The following ADGRV1 variants were observed in gnomAD, a reference collection of about 807,000 sequenced individuals.
ADGRV1 encodes the protein G-protein coupled receptor 98.
Under a neutral mutation model 596.2 loss-of-function variants are expected in ADGRV1, and 359 were observed. The observed-to-expected ratio is 0.60, with a 90% CI of 0.55 to 0.66. ADGRV1 has a LOEUF of 0.66. ADGRV1 is among the 30% of genes least tolerant of loss of function. ADGRV1 has a pLI of 0.00. For synonymous variants in ADGRV1, 2,681 were observed against 2,679.2 expected (o/e 1.00, Z -0.02); for missense variants, 7,274 against 7,575.6 (o/e 0.96, Z 1.48).
At chr5:90,851,102 G>GGGGTGTGTGTGTGTGT (rs1554136388) in intron 79 of ADGRV1, among the ~76,000 whole-genome samples, 4 of 50,566 alleles carry the variant, frequency 7.9e-5, no homozygotes, top group African/African-American at 1.7e-4. Flanking sequence ...AGCTAGGTAG[G>GGGGTGTGTGTGTGTGT]GTGTGTGTGT....
At chr5:90,848,905 T>A in intron 79 of ADGRV1, 84 bp downstream of exon 79, 1 of 938,074 alleles carries the variant, frequency 1.1e-6, no homozygotes, top group Non-Finnish European at 1.6e-6. Flanking sequence ...AAAATGACAT[T>A]TAGATGATGT....
chr5:90,700,573 TTCTC>T (rs1195435006), intron 34 of ADGRV1, among the ~76,000 whole-genome samples: 3 of 152,186 alleles, frequency 2.0e-5, no homozygotes, highest in African/African-American at 7.2e-5. Context: ...TGCTAGGTGT[TTCTC>T]TCAGTCACCC....
chr5:91,054,102 T>A (rs4990550), intron 85 of ADGRV1, among the ~76,000 whole-genome samples: 14,309 of 126,342 alleles, frequency 0.11, 1,022 homozygotes, highest in Admixed American at 0.22. Context: ...TGTGTGTGTG[T>A]GAGAGAGAGA....
intron 85 of ADGRV1, among the ~76,000 whole-genome samples, chr5:90,986,586 C>T (rs1234121499): frequency 6.6e-6 from 1 of 152,100 alleles, no homozygotes; most frequent in Non-Finnish European, 1.5e-5. Flanking sequence ...CATGCAAACA[C>T]AATACACACA....
At chr5:91,070,626 A>T (rs964844329) in intron 85 of ADGRV1, among the ~76,000 whole-genome samples, 4 of 152,220 alleles carry the variant, frequency 2.6e-5, no homozygotes, top group African/African-American at 9.6e-5. Context: ...GCAAGATTTT[A>T]TGTAAAGCGC....
chr5:91,149,965 C>A, intron 87 of ADGRV1, 65 bp from the exon 88 acceptor site: 1 of 1,365,934 alleles, frequency 7.3e-7, no homozygotes. Context: ...GGTAGCAGGA[C>A]TGACTTTGAC....
chr5:90,967,328 G>C (rs915658123), intron 84 of ADGRV1, among the ~76,000 whole-genome samples: 1 of 152,072 alleles, frequency 6.6e-6, no homozygotes, highest in Non-Finnish European at 1.5e-5. Context: ...ATAGCTCTTT[G>C]AGCAGTTTTA....
chr5:90,607,390 C>G (rs1762233540), intron 1 of ADGRV1, among the ~76,000 whole-genome samples: 2 of 152,070 alleles, frequency 1.3e-5, no homozygotes, highest in South Asian at 4.2e-4. Flanking sequence ...CTGCTGACCC[C>G]CTGCTTACCC....
rs1288492396 is a variant in ADGRV1, at chr5:90,558,812, C to T, written c.-84C>T. ...ATCCTGTAGTGGTAGTAAGAATCAG[C>T]AGCGCGGGCAAGGAGTACGGACGGG... On this transcript the variant is annotated 5_prime_UTR_variant, in exon 1 of 90. Transcript: ENST00000405460. 3 of 1,354,094 alleles carry T rather than the reference C, an allele frequency of 2.2e-6. No individual in the cohort carries two copies. Among genetic ancestry groups the T allele is most frequent in the Non-Finnish European group, 3.1e-6 (3 of 966,886 alleles). 83.9% of individuals were successfully genotyped at this position (1,354,094 alleles called of 1,614,324 possible).
intron 9 of ADGRV1, among the ~76,000 whole-genome samples, chr5:90,632,388 T>C (rs1263861573): frequency 6.6e-6 from 1 of 152,190 alleles, no homozygotes; most frequent in Admixed American, 6.5e-5. Flanking sequence ...GTTTTTGTTA[T>C]CATTTGAGCT....
At chr5:90,900,738 A>G (rs1022251628) in intron 83 of ADGRV1, among the ~76,000 whole-genome samples, 1 of 152,112 alleles carries the variant, frequency 6.6e-6, no homozygotes, top group East Asian at 1.9e-4. Context: ...GGCTTTATAG[A>G]CATATGAGTT....
intron 83 of ADGRV1, among the ~76,000 whole-genome samples, chr5:90,922,177 A>G (rs191937247): frequency 2.0e-5 from 3 of 152,294 alleles, no homozygotes; most frequent in East Asian, 3.9e-4. Flanking sequence ...GCCACACTGT[A>G]TGGTGTCAAC....
At position 90,985,377 on chromosome 5, in the gene ADGRV1, G is replaced by T; in HGVS notation, c.18007G>T (p.Asp6003Tyr). Reference protein sequence around the residue: ...VNFWYVLVMNDEHTERRYLLF... With the variant: ...VNFWYVLVMNYEHTERRYLLF... ...TTTCTGGTACGTGCTGGTGATGAAT[G>T]ATGAGCACACAGAGAGGCGATATCT... Residue 6003 changes from aspartate to tyrosine, a missense_variant, in exon 85 of 90, where the codon GAT (aspartate) becomes TAT (tyrosine). By Grantham distance (160) the Asp-to-Tyr change is radical (BLOSUM62 -3). Coordinates refer to ENST00000405460, the MANE Select transcript of ADGRV1 (RefSeq NM_032119.4). 6.2e-7 allele frequency: 1 copy of T among 1,613,318 alleles called. No individual in the cohort carries two copies. The highest frequency in any genetic ancestry group is 8.5e-7 in the Non-Finnish European group (1 of 1,179,522).
At chr5:91,004,646 T>A (rs1461840796) in intron 85 of ADGRV1, among the ~76,000 whole-genome samples, 2 of 152,172 alleles carry the variant, frequency 1.3e-5, no homozygotes, top group Non-Finnish European at 2.9e-5. Context: ...ATAGACTGGA[T>A]ATAGTTGAGT....
chr5:90,596,833 G>A (rs1760731247), intron 1 of ADGRV1, among the ~76,000 whole-genome samples: 1 of 152,016 alleles, frequency 6.6e-6, no homozygotes, highest in East Asian at 1.9e-4. Flanking sequence ...GGGAGAGGGC[G>A]AGGGAGAGGG....
Position 90,720,993 on chromosome 5 carries a change from A to T in ADGRV1, c.9682A>T (p.Thr3228Ser). 2 of 1,612,888 alleles carry T rather than the reference A, an allele frequency of 1.2e-6. No individual in the cohort carries two copies. Among genetic ancestry groups the T allele is most frequent in the Non-Finnish European group, 1.7e-6 (2 of 1,179,120 alleles). The change falls in exon 45 of 90, where the codon ACT becomes TCT. Residue 3228 changes from threonine (T) to serine (S), a missense_variant. Physicochemically the swap from Thr to Ser is moderately conservative, Grantham distance 58 (BLOSUM62 1). This residue lies in a region of ADGRV1 where 3,643 missense variants were observed against 3,809.2 expected (regional missense o/e 0.96). Coordinates refer to ENST00000405460, the MANE Select transcript of ADGRV1 (RefSeq NM_032119.4). ...NRTVYLNVSRTNGIDLAVSVQ... is the reference protein window; with the variant it reads ...NRTVYLNVSRSNGIDLAVSVQ... ...GACCGTGTATTTAAATGTATCTCGA[A>T]CTAATGGCATTGATTTGGCTGTGAG...
At chr5:90,942,270 G>A (rs1776224096) in intron 83 of ADGRV1, among the ~76,000 whole-genome samples, 1 of 152,176 alleles carries the variant, frequency 6.6e-6, no homozygotes, top group Non-Finnish European at 1.5e-5. Context: ...ACAATGCCAG[G>A]TAGTAATCAA....
chr5:91,046,021 CACAA>C (rs1785777477), intron 85 of ADGRV1, among the ~76,000 whole-genome samples: 1 of 152,116 alleles, frequency 6.6e-6, no homozygotes, highest in African/African-American at 2.4e-5. Flanking sequence ...TCATAGACAA[CACAA>C]ACAAATGGAA....
intron 59 of ADGRV1, among the ~76,000 whole-genome samples, chr5:90,769,753 A>C (rs2438352): frequency 0.58 from 88,901 of 151,998 alleles, 26,211 homozygotes; most frequent in Admixed American, 0.67. Flanking sequence ...GTTATTTTTA[A>C]AATATATACA....
Sources: allele counts gnomAD v4.1 joint callset (sites outside exome capture counted in the v4.1 genomes callset), GRCh38; gene constraint gnomAD v4.1.1; regional missense constraint gnomAD v4.1.1; transcripts MANE v1.5; gene names NCBI Gene and HGNC (gene_info 2026-07-23, HGNC 2026-07-21).